The following AFDN variants were observed in gnomAD, a reference collection of about 807,000 sequenced individuals.
AFDN encodes afadin.
AFDN carries 68 observed loss-of-function variants against 216.6 expected under a neutral mutation model. The observed-to-expected ratio is 0.31, with a 90% CI of 0.26 to 0.38. AFDN has a LOEUF of 0.38. Ranked by LOEUF, AFDN falls within the 10% of genes least tolerant of loss-of-function variation. The probability of loss-of-function intolerance (pLI) is 1.00; values close to 1 mark genes in which losing one functional copy is unlikely to be tolerated. For missense variants in AFDN, 2,136 were observed against 2,342.0 expected (o/e 0.91, Z 1.82); for synonymous variants, 868 against 853.7 (o/e 1.02, Z -0.29).
At chr6:167,909,546 C>G (rs765606712) in intron 13 of AFDN, among the ~76,000 whole-genome samples, 1 of 152,076 alleles carries the variant, frequency 6.6e-6, no homozygotes, top group African/African-American at 2.4e-5. Flanking sequence ...ATTCCAAATA[C>G]TTAATTCTGG....
chr6:167,868,596 C>T (rs1370325121), intron 2 of AFDN, among the ~76,000 whole-genome samples: 1 of 152,106 alleles, frequency 6.6e-6, no homozygotes, highest in African/African-American at 2.4e-5. Flanking sequence ...TTTCTCAGAA[C>T]GTCTTCCAGT....
chr6:167,943,330 A>G, intron 24 of AFDN, 72 bp from the exon 25 acceptor site: 1 of 1,483,268 alleles, frequency 6.7e-7, no homozygotes, highest in Non-Finnish European at 9.4e-7. Context: ...TCTACTCATC[A>G]TTACCTTTTC....
At chr6:167,928,115 A>G (rs1209217532) in intron 23 of AFDN, among the ~76,000 whole-genome samples, 1 of 152,188 alleles carries the variant, frequency 6.6e-6, no homozygotes, top group Non-Finnish European at 1.5e-5. Flanking sequence ...GTACAAAACT[A>G]TTTGTTTCCT....
At position 167,827,183 on chromosome 6, in the gene AFDN, C is replaced by T. The variant is rs1252871362; in HGVS notation, c.51C>T (p.Ile17=). The T allele has an allele frequency of 3.8e-6, 5 of 1,305,688 alleles. No individual in the cohort carries two copies. Among genetic ancestry groups the T allele is most frequent in the South Asian group, 1.3e-5 (1 of 77,216 alleles). 80.9% of individuals were successfully genotyped at this position (1,305,688 alleles called of 1,614,324 possible). A position where few individuals can be genotyped will look rare whatever the true frequency, so the allele number is the denominator to read the frequency against. ...AGCGGCGGAAGCTGGCCGACATCAT[C>T]CACCACTGGAACGCCAACCGGCTGG... The part of the protein sequence containing the change: ...DEERRKLADI[I]HHWNANRLDL... The change falls in exon 1 of 34, where the codon ATC becomes ATT. Residue 17 remains isoleucine (I), a synonymous_variant. Coordinates refer to ENST00000683244, the MANE Select transcript of AFDN (RefSeq NM_001386888.1).
At chr6:167,930,039 A>C (rs1793083730) in intron 23 of AFDN, among the ~76,000 whole-genome samples, 1 of 152,130 alleles carries the variant, frequency 6.6e-6, no homozygotes, top group African/African-American at 2.4e-5. Context: ...CCCCATTTCT[A>C]CAAAAAAATC....
intron 1 of AFDN, among the ~76,000 whole-genome samples, chr6:167,832,238 G>C (rs1187145672): frequency 2.6e-5 from 4 of 152,218 alleles, no homozygotes; most frequent in Non-Finnish European, 5.9e-5. Flanking sequence ...GCATGTCGGA[G>C]TTGGCTAACG....
intron 13 of AFDN, among the ~76,000 whole-genome samples, chr6:167,907,564 A>G (rs574418366): frequency 6.6e-6 from 1 of 152,356 alleles, no homozygotes; most frequent in African/African-American, 2.4e-5. Context: ...TTGTAAAAAC[A>G]TAGAGAAAGG....
intron 28 of AFDN, 75 bp downstream of exon 28, chr6:167,948,019 C>G: frequency 8.9e-7 from 1 of 1,129,326 alleles, no homozygotes; most frequent in Admixed American, 2.0e-5. Flanking sequence ...TCTCAGTTAT[C>G]TAGTACAATT....
intron 30 of AFDN, chr6:167,952,529 G>C: frequency 1.0e-6 from 1 of 985,244 alleles, no homozygotes; most frequent in Non-Finnish European, 1.2e-6. Context: ...ATCCAGGGTA[G>C]GCAAAATTTT....
At chr6:167,955,015 A>T (rs1402531032) in intron 30 of AFDN, among the ~76,000 whole-genome samples, 3 of 152,176 alleles carry the variant, frequency 2.0e-5, no homozygotes, top group African/African-American at 4.8e-5. Context: ...ATGCCAATTT[A>T]TCAGTCTGCT....
At chr6:167,873,052 G>T (rs150825875) in intron 4 of AFDN, among the ~76,000 whole-genome samples, 1,687 of 152,256 alleles carry the variant, frequency 0.011, 39 homozygotes, top group African/African-American at 0.039. Flanking sequence ...TAGTGCATTT[G>T]GTTATCATAT....
intron 13 of AFDN, among the ~76,000 whole-genome samples, chr6:167,907,929 A>G (rs1348080096): frequency 1.3e-5 from 2 of 152,204 alleles, no homozygotes; most frequent in Non-Finnish European, 2.9e-5. Flanking sequence ...TTGCAGAGTA[A>G]TATCTTTGCA....
At chr6:167,931,498 G>A (rs1793298701) in intron 23 of AFDN, among the ~76,000 whole-genome samples, 1 of 152,186 alleles carries the variant, frequency 6.6e-6, no homozygotes. Context: ...TAATTGGACA[G>A]TGTAACATTT....
Position 167,907,181 on chromosome 6 carries a change from G to A in AFDN, c.1661G>A (p.Arg554Lys). ...TTTCTCTCCATGTAGAGCACCACTA[G>A]GCTGGACAGCGACAGAGTGTCGTCT... ...TALPTSKSTT[R>K]LDSDRVSSAS... Residue 554 changes from arginine to lysine, a missense_variant, in exon 13 of 34, where the codon AGG (arginine) becomes AAG (lysine). By Grantham distance (26) the Arg-to-Lys change is conservative. Around this residue, in one of 8 missense-constraint regions of AFDN, gnomAD observed 817 missense variants for 965.7 expected, o/e 0.85. Transcript: ENST00000683244. The A allele has an allele frequency of 6.2e-7, 1 of 1,614,094 alleles. No individual in the cohort carries two copies. Among genetic ancestry groups the A allele is most frequent in the East Asian group, 2.2e-5 (1 of 44,884 alleles).
At chr6:167,938,309 A>G (rs1016794891) in intron 23 of AFDN, among the ~76,000 whole-genome samples, 1 of 152,134 alleles carries the variant, frequency 6.6e-6, no homozygotes, top group South Asian at 2.1e-4. Context: ...ATGACGAGAG[A>G]GGTTCATGGA....
intron 30 of AFDN, chr6:167,954,413 C>T: frequency 6.5e-7 from 1 of 1,538,792 alleles, no homozygotes; most frequent in Non-Finnish European, 8.7e-7. Flanking sequence ...CTTTTTTTTC[C>T]ACACTTCATC....
chr6:167,917,753 G>T (rs996082768), intron 20 of AFDN, among the ~76,000 whole-genome samples: 9 of 152,190 alleles, frequency 5.9e-5, no homozygotes, highest in Non-Finnish European at 4.4e-5. Context: ...TGGATGGATG[G>T]ATTGACCAGC....
At chr6:167,840,425 G>T (rs1780935180) in intron 1 of AFDN, among the ~76,000 whole-genome samples, 1 of 152,168 alleles carries the variant, frequency 6.6e-6, no homozygotes, top group Non-Finnish European at 1.5e-5. Context: ...CGGTTTCTGA[G>T]CAGAAGCTTG....
At chr6:167,889,516 C>T (rs1289491624) in intron 7 of AFDN, among the ~76,000 whole-genome samples, 190 bp downstream of exon 7, 1 of 152,180 alleles carries the variant, frequency 6.6e-6, no homozygotes, top group Non-Finnish European at 1.5e-5. Flanking sequence ...TCACTGCAAG[C>T]TCCACCTCCC....
Sources: gnomAD v4.1 joint callset for allele counts (sites outside exome capture counted in the v4.1 genomes callset) on GRCh38, gnomAD v4.1.1 for gene constraint, gnomAD v4.1.1 regional missense constraint, MANE v1.5 for transcripts, NCBI Gene and HGNC (gene_info 2026-07-23, HGNC 2026-07-21) for gene names.